Variants in KIAA1217 observed in about 807,000 individuals in gnomAD.
KIAA1217 encodes KIAA1217.
KIAA1217 carries 88 observed loss-of-function variants against 163.9 expected under a neutral mutation model. The observed-to-expected ratio is 0.54, with a 90% CI of 0.45 to 0.64. The LOEUF is 0.64. KIAA1217 is among the 30% of genes least tolerant of loss of function. The pLI, the probability that KIAA1217 is intolerant of heterozygous loss-of-function variation, is 0.00. For missense variants in KIAA1217, 2,372 were observed against 2,475.0 expected, an observed-to-expected ratio of 0.96 and a Z score of 0.88; for synonymous variants, 903 against 923.1, an observed-to-expected ratio of 0.98 and a Z score of 0.39.
chr10:23,895,256 T>A lies in KIAA1217; in HGVS notation c.-320-111969T>A, dbSNP rs188094044. ...CAAACTATTCATCTGACAAAGGGCTTATATCCAGAATCTACAATGAACTCA... is the reference window on the plus strand; with the variant it reads ...CAAACTATTCATCTGACAAAGGGCTAATATCCAGAATCTACAATGAACTCA... On this transcript the variant is annotated intron_variant, in intron 1 of 18. Coordinates refer to the KIAA1217 transcript ENST00000376462. Among the ~76,000 whole-genome samples, 595 of 152,034 alleles carry A rather than the reference T, an allele frequency of 3.9e-3. 3 individuals carry two copies. Among genetic ancestry groups the A allele is most frequent in the African/African-American group, 0.014 (562 of 41,494 alleles).
At chr10:23,989,785 T>G (rs766504740) in intron 1 of KIAA1217, among the ~76,000 whole-genome samples, 30 of 152,188 alleles carry the variant, frequency 2.0e-4, no homozygotes, top group Non-Finnish European at 3.8e-4. Context: ...GTAGTTTACA[T>G]CCCCTTAGTT....
At chr10:23,843,695 A>G (rs1015359678) in intron 1 of KIAA1217, among the ~76,000 whole-genome samples, 2 of 152,132 alleles carry the variant, frequency 1.3e-5, no homozygotes, top group Non-Finnish European at 2.9e-5. Flanking sequence ...ATCTTTGTTG[A>G]CTATGTTCTT....
At chr10:23,751,871 C>T (rs1443974012) in intron 1 of KIAA1217, among the ~76,000 whole-genome samples, 3 of 152,120 alleles carry the variant, frequency 2.0e-5, no homozygotes, top group East Asian at 1.9e-4. Context: ...GATTTTAAAA[C>T]GATGAGATGA....
chr10:24,212,110 G>A, intron 1 of KIAA1217, among the ~76,000 whole-genome samples: 1 of 141,196 alleles, frequency 7.1e-6, no homozygotes, highest in East Asian at 2.1e-4. Flanking sequence ...AAAGAAGAGA[G>A]AGGAGGGGAG....
intron 11 of KIAA1217, among the ~76,000 whole-genome samples, chr10:24,520,627 CAAAAAAAAAAA>C (rs71472812): frequency 0.18 from 7,766 of 44,080 alleles, 670 homozygotes; most frequent in Middle Eastern, 0.35. Context: ...ACATCTCTAC[CAAAAAAAAAAA>C]AAAAAAAAAA....
At chr10:24,084,246 A>G (rs951774314) in intron 2 of KIAA1217, among the ~76,000 whole-genome samples, 1 of 152,178 alleles carries the variant, frequency 6.6e-6, no homozygotes, top group African/African-American at 2.4e-5. Context: ...CCTACTATAT[A>G]TTTTACTTAC....
At chr10:23,944,319 G>A in intron 1 of KIAA1217, among the ~76,000 whole-genome samples, 1 of 152,064 alleles carries the variant, frequency 6.6e-6, no homozygotes, top group East Asian at 1.9e-4. Context: ...CAGCTATTTG[G>A]GTGACTGAGG....
At chr10:24,296,673 C>T (rs558908989) in intron 2 of KIAA1217, among the ~76,000 whole-genome samples, 2 of 152,184 alleles carry the variant, frequency 1.3e-5, no homozygotes, top group South Asian at 4.1e-4. Context: ...ACGTGGAAAC[C>T]CTTTTCTTCT....
At chr10:23,800,579 G>A (rs1311383218) in intron 1 of KIAA1217, among the ~76,000 whole-genome samples, 1 of 152,126 alleles carries the variant, frequency 6.6e-6, no homozygotes, top group Admixed American at 6.5e-5. Flanking sequence ...AAAGGACACT[G>A]TGTGATTATG....
chr10:24,282,754 T>C (rs1168083674), intron 2 of KIAA1217, among the ~76,000 whole-genome samples: 1 of 150,478 alleles, frequency 6.6e-6, no homozygotes, highest in Non-Finnish European at 1.5e-5. Flanking sequence ...CCTGCCACAA[T>C]CCTAAAATCA....
intron 1 of KIAA1217, among the ~76,000 whole-genome samples, chr10:23,828,343 C>T (rs1838004232): frequency 6.6e-6 from 1 of 152,120 alleles, no homozygotes; most frequent in African/African-American, 2.4e-5. Flanking sequence ...TAGGGACTCC[C>T]TGCTCTCCAA....
chr10:24,170,323 G>C (rs2131911702), intron 2 of KIAA1217, among the ~76,000 whole-genome samples: 1 of 152,318 alleles, frequency 6.6e-6, no homozygotes, highest in South Asian at 2.1e-4. Context: ...GGGGAAGCTG[G>C]CCTTTGTGTT....
intron 3 of KIAA1217, among the ~76,000 whole-genome samples, chr10:24,408,877 A>T (rs989726501): frequency 2.6e-5 from 4 of 151,698 alleles, no homozygotes; most frequent in African/African-American, 7.2e-5. Flanking sequence ...GTATACGCTC[A>T]TTCTTAAACT....
intron 1 of KIAA1217, among the ~76,000 whole-genome samples, chr10:23,770,346 T>A (rs927421710): frequency 1.3e-5 from 2 of 152,224 alleles, no homozygotes; most frequent in Non-Finnish European, 2.9e-5. Context: ...GCTTGCTATC[T>A]CTGTTGTTTA....
chr10:24,325,341 G>A (rs984169676), intron 2 of KIAA1217, among the ~76,000 whole-genome samples: 2 of 152,180 alleles, frequency 1.3e-5, no homozygotes, highest in African/African-American at 2.4e-5. Flanking sequence ...TCAGTTCCTG[G>A]CATTATGGAG....
chr10:24,504,682 AG>A (rs1337250295), intron 9 of KIAA1217, among the ~76,000 whole-genome samples: 1 of 152,236 alleles, frequency 6.6e-6, no homozygotes, highest in Non-Finnish European at 1.5e-5. Flanking sequence ...GTTATAAAAT[AG>A]TGAAACTGAA....
intron 1 of KIAA1217, among the ~76,000 whole-genome samples, chr10:23,765,618 G>C (rs1834478163): frequency 6.6e-6 from 1 of 152,108 alleles, no homozygotes; most frequent in Non-Finnish European, 1.5e-5. Flanking sequence ...CGAATCATGG[G>C]GGTGGTTTCT....
At chr10:24,170,235 G>T (rs565991376) in intron 2 of KIAA1217, among the ~76,000 whole-genome samples, 2 of 152,176 alleles carry the variant, frequency 1.3e-5, no homozygotes, top group African/African-American at 4.8e-5. Flanking sequence ...GCTTTTTGCC[G>T]GGTGGTAAGT....
intron 2 of KIAA1217, among the ~76,000 whole-genome samples, chr10:24,351,191 G>A (rs974205316): frequency 7.9e-5 from 12 of 152,092 alleles, no homozygotes; most frequent in African/African-American, 2.7e-4. Context: ...CAAGTGATCC[G>A]CCCACCTCGG....
Sources: allele counts gnomAD v4.1 joint callset (sites outside exome capture counted in the v4.1 genomes callset), GRCh38; gene constraint gnomAD v4.1.1; transcripts MANE v1.5; gene names NCBI Gene and HGNC (gene_info 2026-07-23, HGNC 2026-07-21).